CACNA2D3: variants seen among roughly 807,000 people sequenced by gnomAD.
CACNA2D3 encodes the protein voltage-dependent calcium channel subunit alpha-2/delta-3.
In CACNA2D3, 60 loss-of-function variants were observed where a neutral mutation model predicts 160.6. The ratio of observed to expected loss-of-function variants is 0.37; its 90% confidence interval spans 0.30 to 0.46. CACNA2D3 has a LOEUF of 0.46. CACNA2D3 is among the 20% of genes least tolerant of loss of function. The pLI, the probability that CACNA2D3 is intolerant of heterozygous loss-of-function variation, is 1.00. For synonymous variants in CACNA2D3, 558 were observed against 492.9 expected (o/e 1.13, Z -1.75); for missense variants, 1,205 against 1,365.0 (o/e 0.88, Z 1.85).
intron 2 of CACNA2D3, among the ~76,000 whole-genome samples, chr3:54,242,758 G>A (rs750608059): frequency 2.6e-5 from 4 of 152,140 alleles, no homozygotes; most frequent in South Asian, 2.1e-4. Context: ...GGAATTTCCC[G>A]TGTAATATTT....
At chr3:54,969,748 G>A in intron 28 of CACNA2D3, 52 bp from the exon 29 acceptor site, 1 of 1,551,708 alleles carries the variant, frequency 6.4e-7, no homozygotes, top group Non-Finnish European at 8.9e-7. Context: ...GCAGGCACTG[G>A]GATGCCCAAG....
chr3:54,708,007 T>C (rs1462469080), intron 11 of CACNA2D3, among the ~76,000 whole-genome samples: 2 of 152,156 alleles, frequency 1.3e-5, no homozygotes, highest in African/African-American at 4.8e-5. Flanking sequence ...AGGCTAGAGA[T>C]GTGCATTGTT....
chr3:54,680,892 G>C (rs1251271346), intron 11 of CACNA2D3, among the ~76,000 whole-genome samples: 1 of 152,174 alleles, frequency 6.6e-6, no homozygotes, highest in East Asian at 1.9e-4. Flanking sequence ...GGTAGACTGA[G>C]CACTCACTCT....
chr3:54,252,966 C>G (rs1461833676), intron 2 of CACNA2D3, among the ~76,000 whole-genome samples: 1 of 152,214 alleles, frequency 6.6e-6, no homozygotes, highest in Non-Finnish European at 1.5e-5. Context: ...CCCACACTTT[C>G]AGAGACTTTG....
At chr3:54,913,971 A>C (rs916436767) in intron 27 of CACNA2D3, among the ~76,000 whole-genome samples, 1 of 152,174 alleles carries the variant, frequency 6.6e-6, no homozygotes, top group Admixed American at 6.5e-5. Flanking sequence ...AATGCTGATA[A>C]TGGTGTTGTA....
At chr3:54,533,846 G>A (rs1378864661) in intron 5 of CACNA2D3, among the ~76,000 whole-genome samples, 1 of 151,888 alleles carries the variant, frequency 6.6e-6, no homozygotes, top group Non-Finnish European at 1.5e-5. Flanking sequence ...GTGTGTAAAT[G>A]TTGAAGCAAG....
chr3:54,269,979 C>A (rs568349607), intron 2 of CACNA2D3, among the ~76,000 whole-genome samples: 1 of 152,212 alleles, frequency 6.6e-6, no homozygotes, highest in African/African-American at 2.4e-5. Flanking sequence ...TGGCCCTGGG[C>A]AACAGAAAAA....
intron 4 of CACNA2D3, among the ~76,000 whole-genome samples, chr3:54,409,661 C>T (rs1417863720): frequency 6.6e-6 from 1 of 152,216 alleles, no homozygotes; most frequent in African/African-American, 2.4e-5. Flanking sequence ...AAGGAAATTA[C>T]AAGTGCTACT....
intron 31 of CACNA2D3, among the ~76,000 whole-genome samples, chr3:54,993,923 T>TTTG (rs1702798906): frequency 2.1e-5 from 3 of 144,070 alleles, no homozygotes; most frequent in African/African-American, 2.6e-5. Flanking sequence ...TGTGTGTGTT[T>TTTG]TGTGTGTGTG....
At chr3:54,519,152 C>T (rs149674083) in intron 5 of CACNA2D3, among the ~76,000 whole-genome samples, 21 of 20,920 alleles carry the variant, frequency 1.0e-3, no homozygotes, top group Middle Eastern at 0.018. Context: ...AATGCCTACA[C>T]CTGTGAAATC....
At chr3:54,311,764 C>T (rs1703748576) in intron 2 of CACNA2D3, among the ~76,000 whole-genome samples, 1 of 152,190 alleles carries the variant, frequency 6.6e-6, no homozygotes. Flanking sequence ...TCAACACATT[C>T]CCCCCATCTC....
chr3:54,966,221 A>G (rs1376771223), intron 27 of CACNA2D3, among the ~76,000 whole-genome samples: 1 of 152,080 alleles, frequency 6.6e-6, no homozygotes, highest in Non-Finnish European at 1.5e-5. Context: ...TGTTGGAGGG[A>G]GAAGCACCAT....
At chr3:54,134,259 A>G (rs1699774716) in intron 2 of CACNA2D3, among the ~76,000 whole-genome samples, 1 of 151,908 alleles carries the variant, frequency 6.6e-6, no homozygotes, top group Admixed American at 6.6e-5. Flanking sequence ...AATCCTGTGA[A>G]CCCCTTATCT....
At chr3:54,622,687 C>A (rs749827087) in intron 9 of CACNA2D3, among the ~76,000 whole-genome samples, 11 of 152,034 alleles carry the variant, frequency 7.2e-5, no homozygotes, top group Non-Finnish European at 1.3e-4. Flanking sequence ...CTGGATCTTA[C>A]AACGACCACA....
At chr3:54,859,508 G>T (rs1418852222) in intron 17 of CACNA2D3, among the ~76,000 whole-genome samples, 1 of 152,204 alleles carries the variant, frequency 6.6e-6, no homozygotes, top group Non-Finnish European at 1.5e-5. Context: ...GGTTTTTGCT[G>T]AAACTTCTTC....
rs140134271 is a variant in CACNA2D3, at chr3:54,175,338, C to A, written c.204+51744C>A. On this transcript the variant is annotated intron_variant, in intron 2 of 37. Coordinates refer to ENST00000474759, the MANE Select transcript of CACNA2D3 (RefSeq NM_018398.3). Reference sequence around the variant, plus strand: ...TAACTCTCAAGAGGCAGATTAAGGCCGGGCGCGGTGGTTTACGCCTGTAAT... The same window carrying A: ...TAACTCTCAAGAGGCAGATTAAGGCAGGGCGCGGTGGTTTACGCCTGTAAT... Among the ~76,000 whole-genome samples, 38 of 152,128 alleles carry A rather than the reference C, an allele frequency of 2.5e-4. 1 individual carries two copies. In the East Asian group the frequency reaches 7.4e-3, roughly 30 times the overall value.
At chr3:54,822,778 CTTTCTTTCTTTCCTTT>C (rs1458099308) in intron 14 of CACNA2D3, among the ~76,000 whole-genome samples, 8 of 81,390 alleles carry the variant, frequency 9.8e-5, no homozygotes, top group South Asian at 4.3e-4. Flanking sequence ...TTCTTTCTTT[CTTTCTTTCTTTCCTTT>C]CTTTCTTTCT....
chr3:54,416,565 A>G (rs1699757312), intron 4 of CACNA2D3, among the ~76,000 whole-genome samples: 1 of 152,176 alleles, frequency 6.6e-6, no homozygotes, highest in Admixed American at 6.5e-5. Flanking sequence ...GTTTATTTCA[A>G]TTAGAAAAAA....
At chr3:54,713,368 G>A (rs1049550598) in intron 11 of CACNA2D3, among the ~76,000 whole-genome samples, 1 of 152,176 alleles carries the variant, frequency 6.6e-6, no homozygotes, top group Non-Finnish European at 1.5e-5. Flanking sequence ...AATTTTATGA[G>A]TAACAAGAAT....
Sources: allele counts gnomAD v4.1 joint callset (sites outside exome capture counted in the v4.1 genomes callset), GRCh38; gene constraint gnomAD v4.1.1; transcripts MANE v1.5; gene names NCBI Gene and HGNC (gene_info 2026-07-23, HGNC 2026-07-21).